Variants in CCDC141 observed in about 807,000 individuals in gnomAD.
CCDC141 encodes the protein coiled-coil domain containing 141.
Under a neutral mutation model 181.0 loss-of-function variants are expected in CCDC141, and 168 were observed. The ratio of observed to expected loss-of-function variants is 0.93; its 90% confidence interval spans 0.82 to 1.05. CCDC141 has a LOEUF of 1.05. Ranked by LOEUF, CCDC141 falls within the 50% of genes least tolerant of loss-of-function variation. The pLI is 0.00. For synonymous variants in CCDC141, 666 were observed against 642.3 expected, an observed-to-expected ratio of 1.04 and a Z score of -0.56; for missense variants, 1,902 against 1,788.5, an observed-to-expected ratio of 1.06 and a Z score of -1.14.
the CCDC141 span, among the ~76,000 whole-genome samples, chr2:178,818,067 T>A: frequency 6.6e-6 from 1 of 152,092 alleles, no homozygotes; most frequent in Admixed American, 6.6e-5. Context: ...TCTCCCAAAG[T>A]GCTGGGATTA....
In CCDC141 at chr2:178,832,908, AT is replaced by A. The variant is rs1684317522; in HGVS notation, c.*1264del. Reference sequence around the variant, plus strand: ...GAAGCCAAAAAATGATCTTTTCTGAATAAAGTGTTTCAGAAAGGCATAGAAT... The same window carrying A: ...GAAGCCAAAAAATGATCTTTTCTGAAAAAGTGTTTCAGAAAGGCATAGAAT... On this transcript the variant is annotated 3_prime_UTR_variant, in exon 24 of 24. Transcript: ENST00000443758. The A allele has an allele frequency of 6.6e-6, 1 of 152,298 alleles. No individual in the cohort carries two copies. Among genetic ancestry groups the A allele is most frequent in the East Asian group, 1.9e-4 (1 of 5,194 alleles). The allele number at this position is 152,298 out of a possible 1,614,324, so 9.4% of individuals were successfully genotyped here.
intron 4 of CCDC141, among the ~76,000 whole-genome samples, chr2:178,971,222 T>G (rs1285316543): frequency 1.3e-5 from 2 of 151,728 alleles, no homozygotes; most frequent in African/African-American, 4.8e-5. Flanking sequence ...AAAAAAAAAT[T>G]TATAAGAAAA....
intron 3 of CCDC141, among the ~76,000 whole-genome samples, chr2:178,976,449 C>T (rs550349690): frequency 6.6e-6 from 1 of 152,244 alleles, no homozygotes; most frequent in South Asian, 2.1e-4. Context: ...ATAAGTGAAA[C>T]AGAATGATGA....
intron 2 of CCDC141, among the ~76,000 whole-genome samples, chr2:179,012,868 A>T (rs1212773925): frequency 6.6e-6 from 1 of 152,208 alleles, no homozygotes; most frequent in Non-Finnish European, 1.5e-5. Flanking sequence ...CAAAAATCAC[A>T]TGATCATCTC....
At position 178,947,990 on chromosome 2, in the gene CCDC141, A is replaced by C. The variant is rs191535631; in HGVS notation, c.781-3339T>G. ...TGAGGCAGGTGGATTCCTTGACCTC[A>C]AGAGTTTGAGACCAGCCTGGGCAAC... On this transcript the variant is annotated intron_variant, in intron 5 of 23. Coordinates refer to ENST00000443758, the MANE Select transcript of CCDC141 (RefSeq NM_173648.4). 2.4e-3 allele frequency among the ~76,000 whole-genome samples: 365 copies of C among 152,298 alleles called. 2 individuals are homozygous for C. Among genetic ancestry groups the C allele is most frequent in the Admixed American group, 3.9e-3 (60 of 15,290 alleles).
chr2:178,913,931 T>C (rs911768317), intron 7 of CCDC141, among the ~76,000 whole-genome samples: 13 of 152,238 alleles, frequency 8.5e-5, no homozygotes, highest in Admixed American at 5.9e-4. Flanking sequence ...TTGGGTTCAA[T>C]TGCAGCTGTC....
intron 5 of CCDC141, among the ~76,000 whole-genome samples, chr2:178,946,862 A>T (rs147623361): frequency 1.3e-5 from 2 of 152,232 alleles, no homozygotes; most frequent in African/African-American, 4.8e-5. Flanking sequence ...GATAATGTTC[A>T]GTGTATCCTG....
intron 8 of CCDC141, among the ~76,000 whole-genome samples, chr2:178,902,628 C>A (rs182849829): frequency 6.6e-6 from 1 of 152,028 alleles, no homozygotes; most frequent in African/African-American, 2.4e-5. Context: ...AAGACTTAAA[C>A]GTTACACCTA....
intron 7 of CCDC141, among the ~76,000 whole-genome samples, chr2:178,907,261 A>T (rs1225798821): frequency 6.6e-6 from 1 of 152,202 alleles, no homozygotes; most frequent in Non-Finnish European, 1.5e-5. Flanking sequence ...TATCCCCATT[A>T]TATGACTGGG....
intron 21 of CCDC141, among the ~76,000 whole-genome samples, chr2:178,846,901 T>G (rs1684962221): frequency 6.6e-6 from 1 of 152,194 alleles, no homozygotes; most frequent in Non-Finnish European, 1.5e-5. Flanking sequence ...TATCACTATT[T>G]AAGCCCTGAC....
chr2:178,977,582 T>G (rs535305477), intron 3 of CCDC141, among the ~76,000 whole-genome samples: 2 of 152,312 alleles, frequency 1.3e-5, no homozygotes, highest in East Asian at 3.9e-4. Context: ...TCCTCCCTTT[T>G]GCTTTTAAAC....
rs77112686 is a variant in CCDC141, at chr2:179,006,591, G to A, written c.226-27916C>T. ...TACCATTTGCAAGGCACAAGGAGTA[G>A]CTGAAATCTAGAAACTTTGCATGTG... On this transcript the variant is annotated intron_variant, in intron 2 of 23. Transcript: ENST00000443758. 9.3e-3 allele frequency among the ~76,000 whole-genome samples: 1,410 copies of A among 152,278 alleles called. 19 individuals are homozygous for A. The highest frequency in any genetic ancestry group is 0.033 in the African/African-American group (1,351 of 41,562).
At chr2:178,951,518 G>A (rs1440449808) in intron 5 of CCDC141, among the ~76,000 whole-genome samples, 1 of 152,168 alleles carries the variant, frequency 6.6e-6, no homozygotes, top group Non-Finnish European at 1.5e-5. Flanking sequence ...TCTTTTTAAA[G>A]CATGCCATTG....
intron 19 of CCDC141, among the ~76,000 whole-genome samples, chr2:178,854,727 ACTCAG>A (rs1685309842): frequency 6.6e-6 from 1 of 152,142 alleles, no homozygotes. Flanking sequence ...AAATCTAAAA[ACTCAG>A]CTGCATTAGT....
chr2:178,966,778 G>T (rs1443071608), intron 4 of CCDC141, among the ~76,000 whole-genome samples: 1 of 152,048 alleles, frequency 6.6e-6, no homozygotes, highest in African/African-American at 2.4e-5. Context: ...GTAGGCTTCA[G>T]AAGGTAGGTA....
chr2:178,972,981 C>A (rs1278779385), intron 4 of CCDC141, among the ~76,000 whole-genome samples: 2 of 152,146 alleles, frequency 1.3e-5, no homozygotes, highest in Non-Finnish European at 2.9e-5. Context: ...CAGCTTTTGT[C>A]ATCCTAACAC....
intron 2 of CCDC141, among the ~76,000 whole-genome samples, chr2:178,995,330 G>A (rs1011680681): frequency 2.0e-5 from 3 of 152,162 alleles, no homozygotes; most frequent in Admixed American, 6.5e-5. Context: ...AGTGCTTGTT[G>A]TAGGGAAACT....
chr2:178,853,713 T>C, intron 19 of CCDC141, 89 bp from the exon 20 acceptor site: 1 of 1,079,224 alleles, frequency 9.3e-7, no homozygotes, highest in Non-Finnish European at 1.3e-6. Flanking sequence ...AAATTTTAAT[T>C]CCCTCAACTT....
intron 12 of CCDC141, chr2:178,876,038 C>G (rs1170293262): frequency 6.6e-6 from 1 of 152,024 alleles, no homozygotes; most frequent in Non-Finnish European, 1.5e-5. Flanking sequence ...TTCTTTAGTG[C>G]TTAAGAATCA....
Sources: gnomAD v4.1 joint callset for allele counts (sites outside exome capture counted in the v4.1 genomes callset) on GRCh38, gnomAD v4.1.1 for gene constraint, MANE v1.5 for transcripts, NCBI Gene and HGNC (gene_info 2026-07-23, HGNC 2026-07-21) for gene names.